Variants in CACNA2D3 observed in about 807,000 individuals in gnomAD.
CACNA2D3 encodes calcium voltage-gated channel auxiliary subunit alpha2delta 3, also known as voltage-dependent calcium channel subunit alpha-2/delta-3.
In CACNA2D3, 60 loss-of-function variants were observed where a neutral mutation model predicts 160.6. The observed-to-expected ratio is 0.37, with a 90% CI of 0.30 to 0.46. The LOEUF (loss-of-function observed/expected upper bound fraction) is 0.46, where lower values mean the gene tolerates loss of function less well. Among genes scored for constraint, CACNA2D3 ranks in the 20% least tolerant of loss-of-function variants. The probability of loss-of-function intolerance (pLI) is 1.00; values close to 1 mark genes in which losing one functional copy is unlikely to be tolerated. For missense variants in CACNA2D3, 1,205 were observed against 1,365.0 expected, an observed-to-expected ratio of 0.88 and a Z score of 1.85; for synonymous variants, 558 against 492.9, an observed-to-expected ratio of 1.13 and a Z score of -1.75.
At chr3:54,816,367 A>T (rs1025036631) in intron 13 of CACNA2D3, among the ~76,000 whole-genome samples, 1 of 152,144 alleles carries the variant, frequency 6.6e-6, no homozygotes, top group African/African-American at 2.4e-5. Context: ...TGTCCTGTGC[A>T]TTGTAAGATG....
In CACNA2D3 at chr3:54,286,304, C is replaced by T. The variant is rs199688110; in HGVS notation, c.205-34138C>T. 9.9e-5 allele frequency among the ~76,000 whole-genome samples: 15 copies of T among 152,090 alleles called. No homozygotes were observed. In the East Asian group the frequency reaches 1.7e-3, roughly 18 times the overall value. ...AATGCAGAAGCCTCAGGAGCGGATG[C>T]GATCAACTGGAAGAAAGGGTATCAG... On this transcript the variant is annotated intron_variant, in intron 2 of 37. Coordinates refer to ENST00000474759, the MANE Select transcript of CACNA2D3 (RefSeq NM_018398.3).
intron 14 of CACNA2D3, among the ~76,000 whole-genome samples, chr3:54,817,359 G>A (rs1429373724): frequency 2.0e-5 from 3 of 152,142 alleles, no homozygotes; most frequent in Non-Finnish European, 2.9e-5. Flanking sequence ...GAGACCATTA[G>A]AGCAGATTTC....
At chr3:54,315,470 A>G (rs1300545061) in intron 2 of CACNA2D3, among the ~76,000 whole-genome samples, 3 of 152,238 alleles carry the variant, frequency 2.0e-5, no homozygotes, top group Non-Finnish European at 4.4e-5. Context: ...TCAACAAAAC[A>G]AGTGTTTTTA....
chr3:54,598,762 G>A (rs571412623), intron 9 of CACNA2D3, among the ~76,000 whole-genome samples: 2 of 152,280 alleles, frequency 1.3e-5, no homozygotes, highest in African/African-American at 4.8e-5. Context: ...GGGGATTTTA[G>A]AATATGGCAC....
intron 2 of CACNA2D3, among the ~76,000 whole-genome samples, chr3:54,132,698 T>C (rs937159575): frequency 1.3e-5 from 2 of 152,238 alleles, no homozygotes; most frequent in African/African-American, 4.8e-5. Flanking sequence ...AATCAGAGGA[T>C]TGACTTTTAA....
intron 2 of CACNA2D3, among the ~76,000 whole-genome samples, chr3:54,258,619 TCC>T (rs1702344540): frequency 6.6e-6 from 1 of 152,210 alleles, no homozygotes; most frequent in Non-Finnish European, 1.5e-5. Flanking sequence ...AGCAGAGCTT[TCC>T]TTTACACTTT....
At chr3:54,670,504 C>T (rs900246030) in intron 11 of CACNA2D3, among the ~76,000 whole-genome samples, 1 of 152,140 alleles carries the variant, frequency 6.6e-6, no homozygotes, top group Non-Finnish European at 1.5e-5. Context: ...TCTGGCCACT[C>T]TGTAAGAGAG....
At chr3:54,675,928 T>C (rs1559546147) in intron 11 of CACNA2D3, among the ~76,000 whole-genome samples, 1 of 152,162 alleles carries the variant, frequency 6.6e-6, no homozygotes, top group African/African-American at 2.4e-5. Flanking sequence ...TTCCACCGCC[T>C]ACTCCCATGG....
At chr3:55,001,545 C>G (rs1442611202) in intron 31 of CACNA2D3, among the ~76,000 whole-genome samples, 2 of 152,250 alleles carry the variant, frequency 1.3e-5, no homozygotes, top group African/African-American at 4.8e-5. Flanking sequence ...AACTGAGGCA[C>G]CAAGAGGGTT....
intron 4 of CACNA2D3, among the ~76,000 whole-genome samples, chr3:54,483,319 A>G (rs1700963543): frequency 6.6e-6 from 1 of 152,188 alleles, no homozygotes; most frequent in African/African-American, 2.4e-5. Context: ...AAAGGCTTCT[A>G]AAGCAAACAG....
intron 27 of CACNA2D3, 84 bp from the exon 28 acceptor site, chr3:54,968,366 C>A: frequency 1.1e-6 from 1 of 873,888 alleles, no homozygotes; most frequent in Non-Finnish European, 1.9e-6. Flanking sequence ...AGCTTCTTGC[C>A]ATGACGGATA....
intron 29 of CACNA2D3, among the ~76,000 whole-genome samples, chr3:54,976,910 C>T (rs1330636174): frequency 2.6e-5 from 4 of 151,952 alleles, no homozygotes; most frequent in Non-Finnish European, 2.9e-5. Context: ...AGGAGGGCCT[C>T]GTTCTAAGAA....
At chr3:54,298,230 C>T (rs1006954694) in intron 2 of CACNA2D3, among the ~76,000 whole-genome samples, 1 of 152,132 alleles carries the variant, frequency 6.6e-6, no homozygotes, top group African/African-American at 2.4e-5. Context: ...AGACGGACCT[C>T]TACACGAAAG....
intron 3 of CACNA2D3, among the ~76,000 whole-genome samples, chr3:54,327,973 GCT>G (rs1453512022): frequency 5.3e-5 from 8 of 152,214 alleles, no homozygotes; most frequent in African/African-American, 1.9e-4. Flanking sequence ...CAATCAAGCA[GCT>G]CTCTCTTAGT....
At chr3:54,253,890 C>A (rs1476981560) in intron 2 of CACNA2D3, among the ~76,000 whole-genome samples, 2 of 152,070 alleles carry the variant, frequency 1.3e-5, no homozygotes, top group Non-Finnish European at 2.9e-5. Context: ...GCCTCAGCCT[C>A]CCGAGTAGCT....
At chr3:54,957,767 T>A (rs1701937877) in intron 27 of CACNA2D3, among the ~76,000 whole-genome samples, 1 of 152,124 alleles carries the variant, frequency 6.6e-6, no homozygotes, top group Non-Finnish European at 1.5e-5. Context: ...AGTCCGTCTG[T>A]CATCTCTCAC....
intron 3 of CACNA2D3, among the ~76,000 whole-genome samples, chr3:54,369,406 A>G (rs568237308): frequency 6.6e-6 from 1 of 152,280 alleles, no homozygotes; most frequent in Admixed American, 6.5e-5. Context: ...ACACTGCTTT[A>G]AGTGACTGCC....
chr3:54,819,016 C>T (rs968673129), intron 14 of CACNA2D3, among the ~76,000 whole-genome samples: 1 of 152,116 alleles, frequency 6.6e-6, no homozygotes, highest in Non-Finnish European at 1.5e-5. Context: ...TGCAAGTCTC[C>T]ACCTGGTAAT....
Position 54,947,362 on chromosome 3 carries a change from G to A in CACNA2D3, c.2450-21088G>A, listed in dbSNP as rs1701642416. Among the ~76,000 whole-genome samples, 3 of 152,154 alleles carry A rather than the reference G, an allele frequency of 2.0e-5. No homozygotes were observed. In the South Asian group the frequency reaches 6.2e-4, roughly 32 times the overall value. The stretch of plus-strand genomic sequence containing the variant: ...TGCAAACCTAAGAGACAGAAAACAA[G>A]GTGTATAACAGGCTCTGGTTAGGAC... On this transcript the variant is annotated intron_variant, in intron 27 of 37. Transcript: ENST00000474759.
Sources: allele counts gnomAD v4.1 joint callset (sites outside exome capture counted in the v4.1 genomes callset), GRCh38; gene constraint gnomAD v4.1.1; transcripts MANE v1.5; gene names NCBI Gene and HGNC (gene_info 2026-07-23, HGNC 2026-07-21).